Variants in DLGAP2 observed in about 807,000 individuals in gnomAD.
DLGAP2 encodes DLG associated protein 2.
DLGAP2 carries 26 observed loss-of-function variants against 100.3 expected under a neutral mutation model. The ratio of observed to expected loss-of-function variants is 0.26; its 90% CI spans 0.19 to 0.36. The LOEUF (loss-of-function observed/expected upper bound fraction) is 0.36, where lower values mean the gene tolerates loss of function less well. Among genes scored for constraint, DLGAP2 ranks in the 10% least tolerant of loss-of-function variants. The probability of loss-of-function intolerance (pLI) is 1.00; values close to 1 mark genes in which losing one functional copy is unlikely to be tolerated. For missense variants in DLGAP2, 1,858 were observed against 1,453.2 expected (o/e 1.28, Z -4.53); for synonymous variants, 886 against 630.1 (o/e 1.41, Z -6.08).
chr8:924,612 TTTGCTCGTTGCCCAGGCTGGAGTG>T (rs1447209104), intron 2 of DLGAP2, among the ~76,000 whole-genome samples: 1 of 151,814 alleles, frequency 6.6e-6, no homozygotes, highest in Non-Finnish European at 1.5e-5. Flanking sequence ...GAGACGGAGT[TTTGCTCGTTGCCCAGGCTGGAGTG>T]CAATGGCGCG....
At chr8:1,432,096 C>G (rs1309683368) in intron 3 of DLGAP2, among the ~76,000 whole-genome samples, 2 of 152,312 alleles carry the variant, frequency 1.3e-5, no homozygotes, top group East Asian at 3.9e-4. Context: ...CTGCTACAGG[C>G]TGCCATCCAT....
intron 2 of DLGAP2, among the ~76,000 whole-genome samples, chr8:940,234 G>C (rs1341340004): frequency 1.3e-5 from 2 of 152,020 alleles, no homozygotes; most frequent in Non-Finnish European, 2.9e-5. Flanking sequence ...TTTAAAATTG[G>C]GAGAACAATA....
chr8:1,214,702 C>T (rs371367436), intron 2 of DLGAP2, among the ~76,000 whole-genome samples: 2 of 152,354 alleles, frequency 1.3e-5, no homozygotes, highest in East Asian at 3.9e-4. Flanking sequence ...CTGTGCACTG[C>T]ACCTAGTTCT....
At chr8:1,319,392 C>T (rs770860924) in intron 3 of DLGAP2, among the ~76,000 whole-genome samples, 18 of 152,168 alleles carry the variant, frequency 1.2e-4, no homozygotes, top group Non-Finnish European at 2.2e-4. Flanking sequence ...GTGGAAACCT[C>T]CTGGCAGGAT....
intron 2 of DLGAP2, among the ~76,000 whole-genome samples, chr8:930,036 T>A (rs1004285541): frequency 2.6e-5 from 4 of 152,114 alleles, no homozygotes; most frequent in African/African-American, 9.7e-5. Context: ...TCATCCTGAT[T>A]CATGATTTTC....
chr8:1,437,813 C>CAAAAAAAA (rs59165125), intron 3 of DLGAP2, among the ~76,000 whole-genome samples: 85 of 85,186 alleles, frequency 1.0e-3, no homozygotes, highest in African/African-American at 2.1e-3. Flanking sequence ...ACTAAAAATA[C>CAAAAAAAA]AAAAAAAAAA....
Position 1,701,352 on chromosome 8 carries a change from C to CGA in DLGAP2, c.3116_3117dup (p.Arg1040SerfsTer108), listed in dbSNP as rs1799563176. On this transcript the variant is annotated frameshift_variant, in exon 15 of 15. Transcript: ENST00000637795. LOFTEE classifies it high-confidence loss of function. ...CGTCCTTCCGGCAGAATTCCGCCTCCGAGCGCGCGGACAGCATCGAGATCT... is the reference window on the plus strand; with the variant it reads ...CGTCCTTCCGGCAGAATTCCGCCTCCGAGAGCGCGCGGACAGCATCGAGATCT... The CGA allele has an allele frequency of 6.3e-7, 1 of 1,593,166 alleles. No individual in the cohort carries two copies. The highest frequency in any genetic ancestry group is 1.7e-5 in the Admixed American group (1 of 57,424).
At chr8:1,427,190 A>G (rs188625771) in intron 3 of DLGAP2, among the ~76,000 whole-genome samples, 1 of 152,296 alleles carries the variant, frequency 6.6e-6, no homozygotes, top group Admixed American at 6.5e-5. Flanking sequence ...ATTTCATAAA[A>G]TAAAAAGGAG....
chr8:1,281,105 C>T lies in DLGAP2; in HGVS notation c.106+22222C>T, dbSNP rs185649107. On this transcript the variant is annotated intron_variant, in intron 3 of 14. Coordinates refer to ENST00000637795, the MANE Select transcript of DLGAP2 (RefSeq NM_001346810.2). ...GTAGGTTTCAATGAGATTATGTATGCCAAGTTCTTATAGTGCCTAACCCAC... is the reference window on the plus strand; with the variant it reads ...GTAGGTTTCAATGAGATTATGTATGTCAAGTTCTTATAGTGCCTAACCCAC... Among the ~76,000 whole-genome samples the T allele has an allele frequency of 4.0e-4, 61 of 152,282 alleles. No individual in the cohort carries two copies. In the Middle Eastern group the frequency reaches 0.01, roughly 25 times the overall value.
In DLGAP2 at chr8:1,701,579, C is replaced by A. The variant is rs1363783954; in HGVS notation, c.*173C>A. The A allele has an allele frequency of 2.9e-6, 2 of 692,588 alleles. No individual in the cohort carries two copies. Among genetic ancestry groups the A allele is most frequent in the Non-Finnish European group, 4.7e-6 (2 of 427,118 alleles). 42.9% of individuals were successfully genotyped at this position (692,588 alleles called of 1,614,324 possible). A position where few individuals can be genotyped will look rare whatever the true frequency, so the allele number is the denominator to read the frequency against. ...GCCGGCGGCCTCAGAGTCCACGGAG[C>A]TCGCGGCGAGGACGACTTCTGCTTT... On this transcript the variant is annotated 3_prime_UTR_variant, in exon 15 of 15. Transcript: ENST00000637795.
At chr8:1,028,892 C>A (rs562265610) in intron 2 of DLGAP2, among the ~76,000 whole-genome samples, 1 of 152,236 alleles carries the variant, frequency 6.6e-6, no homozygotes, top group Admixed American at 6.5e-5. Flanking sequence ...GATGTGGAGG[C>A]CTCCACTGTG....
chr8:867,633 A>G (rs1166229169), intron 1 of DLGAP2, among the ~76,000 whole-genome samples: 1 of 152,214 alleles, frequency 6.6e-6, no homozygotes, highest in Non-Finnish European at 1.5e-5. Context: ...GATGATGAAT[A>G]AGTCACTGAC....
chr8:1,605,721 C>T (rs139018659), intron 6 of DLGAP2, among the ~76,000 whole-genome samples: 3 of 152,216 alleles, frequency 2.0e-5, no homozygotes, highest in Non-Finnish European at 4.4e-5. Flanking sequence ...TCCGAGCCCA[C>T]AGCGTCCATG....
At chr8:998,721 C>T (rs1800857677) in intron 2 of DLGAP2, among the ~76,000 whole-genome samples, 1 of 152,130 alleles carries the variant, frequency 6.6e-6, no homozygotes, top group African/African-American at 2.4e-5. Context: ...CTGCCCTTTG[C>T]TCTTATAATC....
chr8:900,171 G>A (rs1184760867), intron 1 of DLGAP2, among the ~76,000 whole-genome samples: 5 of 147,670 alleles, frequency 3.4e-5, no homozygotes, highest in Non-Finnish European at 6.0e-5. Flanking sequence ...CGTCGCTCCC[G>A]GGCAGACAGT....
chr8:1,689,558 G>A (rs1212418283), intron 12 of DLGAP2, among the ~76,000 whole-genome samples: 1 of 152,202 alleles, frequency 6.6e-6, no homozygotes, highest in Non-Finnish European at 1.5e-5. Context: ...AAAGGGCTGG[G>A]CTAGTTAAAC....
intron 4 of DLGAP2, among the ~76,000 whole-genome samples, chr8:1,548,322 G>C (rs1385522888): frequency 2.0e-5 from 3 of 151,484 alleles, no homozygotes; most frequent in African/African-American, 4.8e-5. Flanking sequence ...AGCCGGGCGT[G>C]GTGGCAGGCG....
intron 2 of DLGAP2, among the ~76,000 whole-genome samples, chr8:1,147,769 C>T (rs1290175140): frequency 6.6e-6 from 1 of 152,108 alleles, no homozygotes; most frequent in Non-Finnish European, 1.5e-5. Flanking sequence ...GTGATCCTCC[C>T]ACCTTGACTT....
At chr8:1,019,297 G>A (rs760236007) in intron 2 of DLGAP2, 1 of 152,084 alleles carries the variant, frequency 6.6e-6, no homozygotes, top group African/African-American at 2.4e-5. Flanking sequence ...GCCTCTCTCT[G>A]TGGTGGTTTT....
Sources: allele counts gnomAD v4.1 joint callset (sites outside exome capture counted in the v4.1 genomes callset), GRCh38; gene constraint gnomAD v4.1.1; transcripts MANE v1.5; gene names NCBI Gene and HGNC (gene_info 2026-07-23, HGNC 2026-07-21).